Variants in GALNT13 observed in about 807,000 individuals in gnomAD.
GALNT13 encodes polypeptide N-acetylgalactosaminyltransferase 13, also known as UDP-GalNAc:polypeptide N-acetylgalactosaminyltransferase 13.
In GALNT13, 28 loss-of-function variants were observed where a neutral mutation model predicts 64.2. The observed-to-expected ratio is 0.44, with a 90% CI of 0.32 to 0.60. The LOEUF (loss-of-function observed/expected upper bound fraction) is 0.60. GALNT13 is among the 20% of genes least tolerant of loss of function. The pLI is 0.05. For synonymous variants in GALNT13, 214 were observed against 224.6 expected (o/e 0.95, Z 0.42); for missense variants, 577 against 669.8 (o/e 0.86, Z 1.53).
the GALNT13 span, among the ~76,000 whole-genome samples, chr2:153,476,948 C>T: frequency 1.6e-4 from 24 of 152,160 alleles, no homozygotes; most frequent in Non-Finnish European, 2.9e-4. Flanking sequence ...GAGACGCCCT[C>T]CCTAAAGGCT....
the GALNT13 span, among the ~76,000 whole-genome samples, chr2:153,509,108 G>A: frequency 6.6e-6 from 1 of 152,236 alleles, no homozygotes; most frequent in East Asian, 1.9e-4. Context: ...ACCCGTCCAG[G>A]AAGAGAGGAC....
the GALNT13 span, among the ~76,000 whole-genome samples, chr2:153,366,200 C>T: frequency 1.3e-5 from 2 of 152,008 alleles, no homozygotes; most frequent in Admixed American, 6.6e-5. Flanking sequence ...AATGAGAACA[C>T]ATGGACACAG....
At chr2:153,537,672 G>A in the GALNT13 span, among the ~76,000 whole-genome samples, 9 of 152,166 alleles carry the variant, frequency 5.9e-5, no homozygotes. Context: ...GGATTCGCTT[G>A]TGGGGGCAGC....
chr2:153,693,308 A>G, the GALNT13 span, among the ~76,000 whole-genome samples: 1 of 151,988 alleles, frequency 6.6e-6, no homozygotes, highest in Non-Finnish European at 1.5e-5. Context: ...TTGACTAACT[A>G]CTCTTTTTGT....
chr2:154,112,631 C>T (rs1299065759), intron 3 of GALNT13, among the ~76,000 whole-genome samples: 1 of 152,210 alleles, frequency 6.6e-6, no homozygotes, highest in Non-Finnish European at 1.5e-5. Context: ...GGCCATTTAT[C>T]TTTCCATGCT....
chr2:154,000,248 G>A (rs1596639), intron 3 of GALNT13, among the ~76,000 whole-genome samples: 108,123 of 151,608 alleles, frequency 0.71, 38,916 homozygotes, highest in East Asian at 0.96. Flanking sequence ...GTATCTGTTC[G>A]TATTTTCAAA....
intron 11 of GALNT13, among the ~76,000 whole-genome samples, chr2:154,414,127 GA>G (rs1699906240): frequency 6.6e-6 from 1 of 151,868 alleles, no homozygotes; most frequent in East Asian, 1.9e-4. Flanking sequence ...TACTTCTTTA[GA>G]AATATGTCTA....
At chr2:153,980,249 A>G (rs1574256375) in intron 3 of GALNT13, among the ~76,000 whole-genome samples, 2 of 152,174 alleles carry the variant, frequency 1.3e-5, no homozygotes, top group African/African-American at 4.8e-5. Flanking sequence ...AAAGCAGTGG[A>G]GCACCACTGA....
intron 3 of GALNT13, among the ~76,000 whole-genome samples, chr2:154,132,541 C>G (rs1682678063): frequency 6.6e-6 from 1 of 151,998 alleles, no homozygotes; most frequent in Non-Finnish European, 1.5e-5. Flanking sequence ...GATATGTACA[C>G]TTATAATGGG....
the GALNT13 span, among the ~76,000 whole-genome samples, chr2:153,375,931 A>C: frequency 2.0e-4 from 30 of 152,106 alleles, 1 homozygote; most frequent in Admixed American, 2.0e-3. Context: ...GCTTCCACGC[A>C]TGGAGGAGAT....
At chr2:153,531,697 AAAT>A in the GALNT13 span, among the ~76,000 whole-genome samples, 125 of 152,278 alleles carry the variant, frequency 8.2e-4, no homozygotes, top group Middle Eastern at 3.4e-3. Flanking sequence ...TGAGCCTGTA[AAAT>A]AATAATAATA....
chr2:153,564,184 T>C, the GALNT13 span, among the ~76,000 whole-genome samples: 1 of 145,922 alleles, frequency 6.9e-6, no homozygotes, highest in East Asian at 2.0e-4. Context: ...CAGATGTCCA[T>C]GGATTTTTTA....
At chr2:153,805,243 G>A in the GALNT13 span, among the ~76,000 whole-genome samples, 1 of 151,430 alleles carries the variant, frequency 6.6e-6, no homozygotes. Flanking sequence ...CAAAGCAAGG[G>A]TATAGAAAAA....
chr2:154,069,769 A>G (rs1700650043), intron 3 of GALNT13, among the ~76,000 whole-genome samples: 1 of 152,110 alleles, frequency 6.6e-6, no homozygotes, highest in South Asian at 2.1e-4. Flanking sequence ...CTATACATTG[A>G]GGAAAGGATA....
chr2:153,478,351 C>T, the GALNT13 span: 1 of 1,614,040 alleles, frequency 6.2e-7, no homozygotes, highest in Non-Finnish European at 8.5e-7. Flanking sequence ...GAAGAAGATG[C>T]CGAAGACCAC....
chr2:153,652,287 C>T, the GALNT13 span, among the ~76,000 whole-genome samples: 1 of 151,994 alleles, frequency 6.6e-6, no homozygotes, highest in African/African-American at 2.4e-5. Flanking sequence ...TTACAATTAA[C>T]TTAAACTTGA....
intron 3 of GALNT13, among the ~76,000 whole-genome samples, chr2:154,128,051 C>G (rs1682396473): frequency 6.6e-6 from 1 of 151,756 alleles, no homozygotes; most frequent in Non-Finnish European, 1.5e-5. Context: ...TATGATGTAA[C>G]CGAAATTATT....
the GALNT13 span, among the ~76,000 whole-genome samples, chr2:153,303,447 A>C: frequency 2.6e-5 from 4 of 152,106 alleles, no homozygotes. Flanking sequence ...TCTTTCTAAC[A>C]CTTTTGGATG....
At chr2:153,730,117 A>G in the GALNT13 span, among the ~76,000 whole-genome samples, 1 of 152,032 alleles carries the variant, frequency 6.6e-6, no homozygotes, top group Non-Finnish European at 1.5e-5. Flanking sequence ...ACCAGAAAAA[A>G]AAAGTCTGAA....
Sources: allele counts gnomAD v4.1 joint callset (sites outside exome capture counted in the v4.1 genomes callset), GRCh38; gene constraint gnomAD v4.1.1; transcripts MANE v1.5; gene names NCBI Gene and HGNC (gene_info 2026-07-23, HGNC 2026-07-21).